KCNT2: variants seen among roughly 807,000 people sequenced by gnomAD.
KCNT2 encodes the protein potassium sodium-activated channel subfamily T member 2.
In KCNT2, 67 loss-of-function variants were observed where a neutral mutation model predicts 153.8. The ratio of observed to expected loss-of-function variants is 0.44; its 90% CI spans 0.36 to 0.53. KCNT2 has a LOEUF of 0.53. Ranked by LOEUF, KCNT2 falls within the 20% of genes least tolerant of loss-of-function variation. The probability of loss-of-function intolerance (pLI) is 0.00; values close to 1 mark genes in which losing one functional copy is unlikely to be tolerated. For synonymous variants in KCNT2, 500 were observed against 458.8 expected, an observed-to-expected ratio of 1.09 and a Z score of -1.15; for missense variants, 975 against 1,354.8, an observed-to-expected ratio of 0.72 and a Z score of 4.40.
intron 1 of KCNT2, among the ~76,000 whole-genome samples, chr1:196,507,569 T>G (rs1681250664): frequency 6.6e-6 from 1 of 152,148 alleles, no homozygotes; most frequent in Non-Finnish European, 1.5e-5. Flanking sequence ...AATTTTATTC[T>G]ATCATTGCCT....
At chr1:196,599,746 T>C (rs1664502529) in intron 1 of KCNT2, among the ~76,000 whole-genome samples, 1 of 152,206 alleles carries the variant, frequency 6.6e-6, no homozygotes, top group South Asian at 2.1e-4. Flanking sequence ...TGCTTCTATT[T>C]CTCAGAAAAG....
intron 13 of KCNT2, among the ~76,000 whole-genome samples, chr1:196,395,848 A>T (rs1222403983): frequency 1.3e-5 from 2 of 151,750 alleles, no homozygotes; most frequent in Non-Finnish European, 3.0e-5. Context: ...TATTTAAATA[A>T]ATGGAAATGC....
At chr1:196,589,954 C>T (rs1039074836) in intron 1 of KCNT2, among the ~76,000 whole-genome samples, 2 of 152,104 alleles carry the variant, frequency 1.3e-5, no homozygotes, top group Non-Finnish European at 2.9e-5. Flanking sequence ...CCAGAGAACA[C>T]ATTTTTGTAG....
At position 196,418,029 on chromosome 1, in the gene KCNT2, TG is replaced by T. The variant is rs1382551584; in HGVS notation, c.1185+5020del. Among the ~76,000 whole-genome samples the T allele has an allele frequency of 3.3e-5, 5 of 152,304 alleles. No individual in the cohort carries two copies. The East Asian group carries it at 9.7e-4, about 30-fold the overall frequency. Reference sequence around the variant, plus strand: ...TCTTCAGTGTTCACATTATTATGGCTGTTTTTCATAGAACAGCATGTTGAGT... The same window carrying T: ...TCTTCAGTGTTCACATTATTATGGCTTTTTTCATAGAACAGCATGTTGAGT... On this transcript the variant is annotated intron_variant, in intron 12 of 27. Transcript: ENST00000294725.
chr1:196,433,771 T>C (rs547955078), intron 8 of KCNT2, among the ~76,000 whole-genome samples: 5 of 152,174 alleles, frequency 3.3e-5, no homozygotes, highest in South Asian at 2.1e-4. Context: ...CTTATTTGTC[T>C]AAGTTATGTA....
At chr1:196,266,519 T>C (rs759101215) in intron 25 of KCNT2, among the ~76,000 whole-genome samples, 2 of 152,110 alleles carry the variant, frequency 1.3e-5, no homozygotes, top group Non-Finnish European at 2.9e-5. Flanking sequence ...AATGACAAAT[T>C]AAAGTAAATC....
chr1:196,260,805 T>G (rs1443510083), intron 25 of KCNT2, among the ~76,000 whole-genome samples: 2 of 151,870 alleles, frequency 1.3e-5, no homozygotes, highest in Admixed American at 6.6e-5. Flanking sequence ...ACAATAAAAC[T>G]GCATAGCCCC....
At chr1:196,387,022 TAAC>T (rs1670051613) in intron 13 of KCNT2, among the ~76,000 whole-genome samples, 2 of 152,236 alleles carry the variant, frequency 1.3e-5, no homozygotes, top group South Asian at 4.1e-4. Flanking sequence ...ATTAGGTGAA[TAAC>T]AATCTCACTG....
intron 12 of KCNT2, among the ~76,000 whole-genome samples, chr1:196,420,452 G>T (rs948367711): frequency 1.3e-5 from 2 of 151,640 alleles, no homozygotes; most frequent in African/African-American, 2.4e-5. Context: ...TCTGGTGTCT[G>T]AATACAAGCA....
chr1:196,542,450 G>T (rs1194017871), intron 1 of KCNT2, among the ~76,000 whole-genome samples: 1 of 152,096 alleles, frequency 6.6e-6, no homozygotes, highest in African/African-American at 2.4e-5. Context: ...ATAGCTTACT[G>T]GATAAGGAGA....
At chr1:196,377,413 C>T (rs999080008) in intron 13 of KCNT2, among the ~76,000 whole-genome samples, 1 of 151,816 alleles carries the variant, frequency 6.6e-6, no homozygotes, top group Admixed American at 6.6e-5. Context: ...ATAGAAGAGA[C>T]AGTCACAAAA....
At chr1:196,506,382 G>A (rs1681145121) in intron 1 of KCNT2, among the ~76,000 whole-genome samples, 1 of 152,130 alleles carries the variant, frequency 6.6e-6, no homozygotes, top group South Asian at 2.1e-4. Flanking sequence ...AACAAAAACT[G>A]TGGTTCATCT....
chr1:196,377,165 G>A (rs1165028443), intron 13 of KCNT2, among the ~76,000 whole-genome samples: 1 of 151,916 alleles, frequency 6.6e-6, no homozygotes, highest in Non-Finnish European at 1.5e-5. Flanking sequence ...GCTAGGATGA[G>A]CTGAGCAAGA....
chr1:196,303,712 A>G (rs1029004142), intron 22 of KCNT2, among the ~76,000 whole-genome samples: 1 of 152,150 alleles, frequency 6.6e-6, no homozygotes, highest in Non-Finnish European at 1.5e-5. Context: ...ACTATTTTCC[A>G]CATAAGAATC....
rs559576310 is a variant in KCNT2, at chr1:196,258,390, C to T, written c.3015G>A (p.Ser1005=). The T allele has an allele frequency of 1.4e-5, 22 of 1,613,936 alleles. No homozygotes were observed. Among genetic ancestry groups the T allele is most frequent in the African/African-American group, 2.7e-5 (2 of 74,980 alleles). The change falls in exon 26 of 28, where the codon TCG becomes TCA. Residue 1005 remains serine (S), a synonymous_variant. Transcript: ENST00000294725. The stretch of plus-strand genomic sequence containing the variant: ...TTTTTCTCCGCAGCAAGGGATGGTC[C>T]GACTGATCACTGGATGTTGAGTTGC... ...NHRNSTSSDQ[S]DHPLLRRKSM...
At chr1:196,598,634 G>A (rs1664363583) in intron 1 of KCNT2, among the ~76,000 whole-genome samples, 1 of 152,094 alleles carries the variant, frequency 6.6e-6, no homozygotes, top group Non-Finnish European at 1.5e-5. Flanking sequence ...TATTTAAATA[G>A]CATTAAATCA....
chr1:196,351,178 G>C (rs1050769733), intron 14 of KCNT2, among the ~76,000 whole-genome samples: 3 of 152,152 alleles, frequency 2.0e-5, no homozygotes, highest in Admixed American at 2.0e-4. Context: ...AATTGACTTG[G>C]TGATGCGGGC....
At chr1:196,367,795 C>G (rs1668168285) in intron 14 of KCNT2, among the ~76,000 whole-genome samples, 1 of 152,096 alleles carries the variant, frequency 6.6e-6, no homozygotes, top group Admixed American at 6.6e-5. Context: ...TGAGATATGT[C>G]TGGAAACATG....
At chr1:196,543,884 A>G (rs1364910319) in intron 1 of KCNT2, among the ~76,000 whole-genome samples, 1 of 152,168 alleles carries the variant, frequency 6.6e-6, no homozygotes, top group Non-Finnish European at 1.5e-5. Flanking sequence ...CAGCAGTCGT[A>G]CTCAGGCATT....
Sources: gnomAD v4.1 joint callset for allele counts (sites outside exome capture counted in the v4.1 genomes callset) on GRCh38, gnomAD v4.1.1 for gene constraint, MANE v1.5 for transcripts, NCBI Gene and HGNC (gene_info 2026-07-23, HGNC 2026-07-21) for gene names.